Variants in ARNT2 observed in about 807,000 individuals in gnomAD.
ARNT2 encodes the protein ARNT protein 2.
A neutral mutation model predicts 91.7 loss-of-function variants in ARNT2; 36 were observed. The observed-to-expected ratio is 0.39, with a 90% CI of 0.30 to 0.52. The LOEUF (loss-of-function observed/expected upper bound fraction) is 0.52, where lower values mean the gene tolerates loss of function less well. Ranked by LOEUF, ARNT2 falls within the 20% of genes least tolerant of loss-of-function variation. ARNT2 has a pLI of 0.72. For missense variants in ARNT2, 775 were observed against 939.3 expected, an observed-to-expected ratio of 0.83 and a Z score of 2.29; for synonymous variants, 365 against 347.1, an observed-to-expected ratio of 1.05 and a Z score of -0.57.
chr15:80,407,019 A>G (rs1344620938), intron 1 of ARNT2, among the ~76,000 whole-genome samples: 2 of 152,136 alleles, frequency 1.3e-5, no homozygotes, highest in Non-Finnish European at 2.9e-5. Flanking sequence ...CATGGTACCC[A>G]AGCTTGTCAC....
chr15:80,588,271 A>G (rs1330536560), intron 17 of ARNT2, among the ~76,000 whole-genome samples: 2 of 152,122 alleles, frequency 1.3e-5, no homozygotes, highest in Admixed American at 6.5e-5. Flanking sequence ...TCTCCATCAC[A>G]TCTCAAATCC....
intron 8 of ARNT2, among the ~76,000 whole-genome samples, chr15:80,531,034 A>G (rs999302473): frequency 6.6e-6 from 1 of 152,184 alleles, no homozygotes; most frequent in South Asian, 2.1e-4. Context: ...TTTTTTGCCC[A>G]AAACTTACTA....
Position 80,540,248 on chromosome 15 carries a change from G to A in ARNT2, c.878-10951G>A, listed in dbSNP as rs1897885262. Reference sequence around the variant, plus strand: ...AAACTGCTAGACTGTTTTCTGAATAGTCGCACCATTTTACATTTCCACCAG... The same window carrying A: ...AAACTGCTAGACTGTTTTCTGAATAATCGCACCATTTTACATTTCCACCAG... On this transcript the variant is annotated intron_variant, in intron 8 of 18. Transcript: ENST00000303329. Among the ~76,000 whole-genome samples, 3 of 152,174 alleles carry A rather than the reference G, an allele frequency of 2.0e-5. No homozygotes were observed. In the South Asian group the frequency reaches 6.2e-4, roughly 31 times the overall value.
intron 1 of ARNT2, chr15:80,442,847 T>A: frequency 3.0e-6 from 3 of 985,412 alleles, no homozygotes; most frequent in Non-Finnish European, 3.6e-6. Flanking sequence ...TGTAGGAGGA[T>A]CAGGTGACCA....
At chr15:80,545,849 CTG>C (rs1897981480) in intron 8 of ARNT2, among the ~76,000 whole-genome samples, 1 of 152,224 alleles carries the variant, frequency 6.6e-6, no homozygotes, top group East Asian at 1.9e-4. Flanking sequence ...GCTCAGGACA[CTG>C]TGCTTTGTTC....
intron 8 of ARNT2, among the ~76,000 whole-genome samples, chr15:80,546,878 G>A (rs968104905): frequency 2.6e-5 from 4 of 151,872 alleles, no homozygotes; most frequent in South Asian, 4.2e-4. Context: ...CAGGAGAATC[G>A]CTTGAACTCG....
chr15:80,523,704 T>C (rs1897589379), intron 8 of ARNT2, among the ~76,000 whole-genome samples: 1 of 152,176 alleles, frequency 6.6e-6, no homozygotes, highest in Non-Finnish European at 1.5e-5. Context: ...TTTAGTGTCC[T>C]TATGGATGGG....
chr15:80,507,364 G>C (rs1897289709), intron 5 of ARNT2, among the ~76,000 whole-genome samples: 1 of 152,164 alleles, frequency 6.6e-6, no homozygotes, highest in Non-Finnish European at 1.5e-5. Context: ...TGTGTGTGCA[G>C]GCGGTGAGGG....
chr15:80,428,299 A>G (rs1225866353), intron 1 of ARNT2, among the ~76,000 whole-genome samples: 3 of 152,212 alleles, frequency 2.0e-5, no homozygotes, highest in African/African-American at 2.4e-5. Flanking sequence ...TGCAATTTTA[A>G]CCTTACAAAG....
chr15:80,549,048 T>C (rs1898037066), intron 8 of ARNT2, among the ~76,000 whole-genome samples: 1 of 152,186 alleles, frequency 6.6e-6, no homozygotes, highest in South Asian at 2.1e-4. Context: ...GAATAGACAA[T>C]TGGGCAGTGC....
rs879686853 is a variant in ARNT2, at chr15:80,555,052, C to G, written c.1090-13C>G. 20 of 1,612,208 alleles carry G rather than the reference C, an allele frequency of 1.2e-5. No individual in the cohort carries two copies. Among genetic ancestry groups the G allele is most frequent in the African/African-American group, 1.3e-5 (1 of 74,900 alleles). ...TGGATCTGGGATTATTAAAGCTTGTCTCTTTTATTTAGGATCTTCTGGGAA... is the reference window on the plus strand; with the variant it reads ...TGGATCTGGGATTATTAAAGCTTGTGTCTTTTATTTAGGATCTTCTGGGAA... On this transcript the variant is annotated splice_polypyrimidine_tract_variant and intron_variant, in intron 10 of 18. Coordinates refer to ENST00000303329, the MANE Select transcript of ARNT2 (RefSeq NM_014862.4).
At chr15:80,506,787 G>A (rs1897281410) in intron 5 of ARNT2, among the ~76,000 whole-genome samples, 1 of 152,212 alleles carries the variant, frequency 6.6e-6, no homozygotes, top group African/African-American at 2.4e-5. Context: ...GCCCAGCCCT[G>A]AGAATGCCAA....
chr15:80,431,604 G>T (rs112705066), intron 1 of ARNT2, among the ~76,000 whole-genome samples: 16 of 152,288 alleles, frequency 1.1e-4, no homozygotes, highest in African/African-American at 3.6e-4. Context: ...CTGGAATAGG[G>T]GTCCTTACAG....
chr15:80,510,444 A>T (rs572239791), intron 6 of ARNT2, among the ~76,000 whole-genome samples: 19 of 152,120 alleles, frequency 1.2e-4, no homozygotes, highest in South Asian at 1.2e-3. Flanking sequence ...ATCATATATA[A>T]AAAAAAAGCT....
At chr15:80,575,158 T>G in intron 14 of ARNT2, 48 bp downstream of exon 14, 1 of 1,602,136 alleles carries the variant, frequency 6.2e-7, no homozygotes, top group South Asian at 1.1e-5. Flanking sequence ...GGTTTACAGT[T>G]GCTTTCAGGC....
At chr15:80,430,679 A>G (rs1895995301) in intron 1 of ARNT2, among the ~76,000 whole-genome samples, 1 of 152,104 alleles carries the variant, frequency 6.6e-6, no homozygotes, top group Non-Finnish European at 1.5e-5. Context: ...GTTGGTTGTG[A>G]CCTCAGGGTT....
chr15:80,591,523 CG>C lies in ARNT2; in HGVS notation c.1919-42del, dbSNP rs1318618298. ...GTGGTTCTTAGGTCTCACAGAACCACGGGATGGCTTTTAAAGGAAGTGTCCT... is the reference window on the plus strand; with the variant it reads ...GTGGTTCTTAGGTCTCACAGAACCACGGATGGCTTTTAAAGGAAGTGTCCT... On this transcript the variant is annotated intron_variant, in intron 17 of 18. Transcript: ENST00000303329. The surrounding 1 kb of genome is among the most constrained non-coding windows in gnomAD (Gnocchi z 5.1). The C allele has an allele frequency of 1.3e-5, 21 of 1,609,730 alleles. No homozygotes were observed. The highest frequency in any genetic ancestry group is 1.7e-6 in the Non-Finnish European group (2 of 1,176,892).
chr15:80,420,839 G>A (rs1472037600), intron 1 of ARNT2, among the ~76,000 whole-genome samples: 4 of 152,072 alleles, frequency 2.6e-5, no homozygotes, highest in African/African-American at 7.2e-5. Context: ...CTGAAAGCAC[G>A]GACCTTGGGT....
chr15:80,489,553 C>T (rs1897023678), intron 5 of ARNT2, among the ~76,000 whole-genome samples: 1 of 152,232 alleles, frequency 6.6e-6, no homozygotes, highest in African/African-American at 2.4e-5. Flanking sequence ...AAGAGCTCGG[C>T]ATCATGAGGG....
Sources: allele counts gnomAD v4.1 joint callset (sites outside exome capture counted in the v4.1 genomes callset), GRCh38; gene constraint gnomAD v4.1.1; non-coding constraint Gnocchi (gnomAD v3.1); transcripts MANE v1.5; gene names NCBI Gene and HGNC (gene_info 2026-07-23, HGNC 2026-07-21).